SLC35E2B: variants seen among roughly 807,000 people sequenced by gnomAD.
SLC35E2B encodes solute carrier family 35, member E2B.
A neutral mutation model predicts 32.4 loss-of-function variants in SLC35E2B; 18 were observed. The observed-to-expected ratio is 0.56, with a 90% CI of 0.38 to 0.82. The LOEUF (loss-of-function observed/expected upper bound fraction) is 0.82. Among genes scored for constraint, SLC35E2B ranks in the 40% least tolerant of loss-of-function variants. The probability of loss-of-function intolerance (pLI) is 0.00; values close to 1 mark genes in which losing one functional copy is unlikely to be tolerated. For missense variants in SLC35E2B, 263 were observed against 469.5 expected (o/e 0.56, Z 4.06); for synonymous variants, 132 against 209.1 (o/e 0.63, Z 3.18).
intron 8 of SLC35E2B, among the ~76,000 whole-genome samples, chr1:1,669,199 CCTCTGTGTGGGGGACT>C (rs1190332016): frequency 6.6e-6 from 1 of 151,298 alleles, no homozygotes; most frequent in Non-Finnish European, 1.5e-5. Flanking sequence ...CACAGAGAAC[CCTCTGTGTGGGGGACT>C]CTAGGGAAGT....
At position 1,663,929 on chromosome 1, in the gene SLC35E2B, G is replaced by C. The variant is rs1203102135; in HGVS notation, c.*1853C>G. On this transcript the variant is annotated 3_prime_UTR_variant, in exon 10 of 10. Transcript: ENST00000617444. ...GGCTGAAGCAGGTGTAGTAGCCCAC[G>C]CCTATATTCTCGACACTACAGGAGG... The C allele has an allele frequency of 1.6e-6, 1 of 630,218 alleles. No individual in the cohort carries two copies. Among genetic ancestry groups the C allele is most frequent in the Non-Finnish European group, 2.0e-6 (1 of 501,702 alleles). The allele number at this position is 630,218 out of a possible 1,614,324, so 39.0% of individuals were successfully genotyped here. A position where few individuals can be genotyped will look rare whatever the true frequency, so the allele number is the denominator to read the frequency against.
At chr1:1,678,292 A>G (rs911045473) in intron 2 of SLC35E2B, among the ~76,000 whole-genome samples, 3 of 152,158 alleles carry the variant, frequency 2.0e-5, no homozygotes, top group Non-Finnish European at 4.4e-5. Context: ...TCCCCCATGA[A>G]GACCTCGCCT....
chr1:1,683,026 G>A (rs545512538), intron 2 of SLC35E2B, among the ~76,000 whole-genome samples: 66 of 152,120 alleles, frequency 4.3e-4, no homozygotes, highest in African/African-American at 1.5e-3. Flanking sequence ...GCAGTGAGCC[G>A]ACATCGAGAC....
chr1:1,671,574 C>T lies in SLC35E2B; in HGVS notation c.642G>A (p.Thr214=), dbSNP rs374110041. The T allele has an allele frequency of 7.1e-5, 110 of 1,549,450 alleles. 1 individual carries two copies. The highest frequency in any genetic ancestry group is 2.1e-4 in the African/African-American group (15 of 72,926). ...IPVMGGLALC[T]ATEISFNVLG... ...GGACATTGAAGCTGATCTCAGTGGC[C>T]GTGCACAGCGCCAGCCCGCCCATGA... is the stretch of plus-strand genomic sequence containing the variant. Residue 214 remains threonine (T), a synonymous_variant, in exon 6 of 10, where the codon ACG becomes ACA. Transcript: ENST00000617444.
chr1:1,667,312 C>A (rs866951299), intron 9 of SLC35E2B, among the ~76,000 whole-genome samples: 2 of 151,638 alleles, frequency 1.3e-5, no homozygotes, highest in East Asian at 3.9e-4. Flanking sequence ...ACTCGGGAGG[C>A]GGAGGCAGGA....
At chr1:1,670,211 G>A (rs1192715613) in intron 6 of SLC35E2B, 60 bp from the exon 7 acceptor site, 1 of 1,271,386 alleles carries the variant, frequency 7.9e-7, no homozygotes, top group Admixed American at 2.0e-5. Context: ...ACATCAGGGG[G>A]AGAAGGTGTC....
chr1:1,677,602 C>G (rs189375220), intron 2 of SLC35E2B, among the ~76,000 whole-genome samples: 2 of 151,672 alleles, frequency 1.3e-5, no homozygotes, highest in Non-Finnish European at 2.9e-5. Context: ...CTCAGGCTCC[C>G]GAGTAGCTGG....
intron 2 of SLC35E2B, among the ~76,000 whole-genome samples, chr1:1,677,833 C>T (rs140525273): frequency 3.9e-5 from 6 of 151,950 alleles, no homozygotes; most frequent in East Asian, 3.9e-4. Context: ...GGCTTCGGGG[C>T]GAGACACCCC....
chr1:1,667,734 T>C (rs1426843950), intron 9 of SLC35E2B, among the ~76,000 whole-genome samples: 12 of 152,204 alleles, frequency 7.9e-5, no homozygotes, highest in Admixed American at 7.2e-4. Flanking sequence ...GCCCGACTAT[T>C]CTAGACAGAA....
intron 9 of SLC35E2B, among the ~76,000 whole-genome samples, chr1:1,666,389 G>A (rs1040208330): frequency 1.3e-5 from 2 of 152,152 alleles, no homozygotes; most frequent in Admixed American, 1.3e-4. Context: ...CATGACATCC[G>A]CCTCATCAGC....
At chr1:1,680,927 C>T (rs1026183208) in intron 2 of SLC35E2B, among the ~76,000 whole-genome samples, 23 of 151,584 alleles carry the variant, frequency 1.5e-4, no homozygotes, top group African/African-American at 4.6e-4. Flanking sequence ...CTCAGCCTCC[C>T]GAGTAACTGG....
intron 8 of SLC35E2B, among the ~76,000 whole-genome samples, 173 bp from the exon 9 acceptor site, chr1:1,668,645 G>GT (rs76577145): frequency 9.2e-5 from 14 of 152,038 alleles, no homozygotes; most frequent in Middle Eastern, 6.8e-3. Flanking sequence ...TCCATTTTCT[G>GT]TTTTTTTTGT....
intron 5 of SLC35E2B, among the ~76,000 whole-genome samples, chr1:1,674,938 T>C (rs773893654): frequency 6.6e-6 from 1 of 152,138 alleles, no homozygotes; most frequent in Non-Finnish European, 1.5e-5. Context: ...GGGGCTGACA[T>C]GTCGCTGGAA....
chr1:1,665,865 G>T lies in SLC35E2B; in HGVS notation c.1135C>A (p.Gln379Lys), dbSNP rs1405456627. The T allele has an allele frequency of 1.3e-6, 2 of 1,550,818 alleles. No homozygotes were observed. The highest frequency in any genetic ancestry group is 2.0e-5 in the Admixed American group (1 of 50,988). Residue 379 changes from glutamine (Q) to lysine (K), a missense_variant, in exon 10 of 10, where the codon CAG becomes AAG. Coordinates refer to ENST00000617444, the MANE Select transcript of SLC35E2B (RefSeq NM_001290264.2). ...KARQHQQEALQSLAAATGRAP... is the reference protein window; with the variant it reads ...KARQHQQEALKSLAAATGRAP... ...CGGCCAGTGGCTGCAGCCAGGCTCTGCAGCGCCTCCTGCTGGTGTTGCCTG... is the reference window on the plus strand; with the variant it reads ...CGGCCAGTGGCTGCAGCCAGGCTCTTCAGCGCCTCCTGCTGGTGTTGCCTG...
intron 8 of SLC35E2B, among the ~76,000 whole-genome samples, chr1:1,668,884 G>A (rs1037174578): frequency 9.9e-5 from 15 of 151,942 alleles, no homozygotes; most frequent in South Asian, 8.3e-4. Context: ...CCAGCTACTC[G>A]GGAGGCTGAG....
intron 2 of SLC35E2B, among the ~76,000 whole-genome samples, chr1:1,677,356 C>G (rs531833153): frequency 6.6e-6 from 1 of 151,202 alleles, no homozygotes; most frequent in Non-Finnish European, 1.5e-5. Flanking sequence ...ACTTGACTGT[C>G]GTCCTGGCAG....
chr1:1,662,542 T>G lies in SLC35E2B; in HGVS notation c.*3240A>C, dbSNP rs1179014534. The G allele has an allele frequency of 3.8e-6, 3 of 785,956 alleles. No homozygotes were observed. Among genetic ancestry groups the G allele is most frequent in the Admixed American group, 1.3e-4 (2 of 15,174 alleles). 48.7% of individuals were successfully genotyped at this position (785,956 alleles called of 1,614,324 possible). A position where few individuals can be genotyped will look rare whatever the true frequency, so the allele number is the denominator to read the frequency against. On this transcript the variant is annotated 3_prime_UTR_variant, in exon 10 of 10. Transcript: ENST00000617444. ...ATAGTCTCTGTTCAGCTGTTTAAAA[T>G]GACTGTCTGACTCACCATGGTAATT...
intron 6 of SLC35E2B, chr1:1,671,271 C>T (rs528287288): frequency 3.3e-5 from 12 of 368,240 alleles, no homozygotes; most frequent in Non-Finnish European, 4.4e-5. Context: ...GTCAGCTAAC[C>T]GTGTCTCCAT....
rs1381491974 is a variant in SLC35E2B at position 1,679,811 on chromosome 1, A to G, written c.-147-2965T>C. Among the ~76,000 whole-genome samples the G allele has an allele frequency of 4.1e-5, 6 of 144,948 alleles. 1 individual carries two copies. On this transcript the variant is annotated intron_variant, in intron 2 of 9. Transcript: ENST00000617444. ...CGCGCCATTGCACCCCAGCCTGAGC[A>G]ACAGAGCGAGACTCCCGTCAAAAAA...
Sources: allele counts gnomAD v4.1 joint callset (sites outside exome capture counted in the v4.1 genomes callset), GRCh38; gene constraint gnomAD v4.1.1; transcripts MANE v1.5; gene names NCBI Gene and HGNC (gene_info 2026-07-23, HGNC 2026-07-21).